FMO1: variants seen among roughly 807,000 people sequenced by gnomAD.
The protein encoded by FMO1 is flavin containing dimethylaniline monoxygenase 1.
A neutral mutation model predicts 45.4 loss-of-function variants in FMO1; 36 were observed. That is an observed-to-expected ratio of 0.79 (90% CI 0.61 to 1.05). The LOEUF (loss-of-function observed/expected upper bound fraction) is 1.05, where lower values mean the gene tolerates loss of function less well. FMO1 is among the 50% of genes least tolerant of loss of function. FMO1 has a pLI of 0.00. For synonymous variants in FMO1, 228 were observed against 227.2 expected, an observed-to-expected ratio of 1.00 and a Z score of -0.03; for missense variants, 615 against 640.3, an observed-to-expected ratio of 0.96 and a Z score of 0.43.
At chr1:171,272,901 G>A (rs368974066) in intron 3 of FMO1, among the ~76,000 whole-genome samples, 5 of 152,170 alleles carry the variant, frequency 3.3e-5, no homozygotes, top group Admixed American at 1.3e-4. Flanking sequence ...TAAGACCTTG[G>A]GGGGGAACTG....
chr1:171,265,133 G>A (rs1402268788), intron 2 of FMO1, among the ~76,000 whole-genome samples: 3 of 152,120 alleles, frequency 2.0e-5, no homozygotes, highest in African/African-American at 7.2e-5. Context: ...GCTCATGCTT[G>A]TAATCCCAGC....
rs1249898395 is a variant in FMO1 at position 171,276,024 on chromosome 1, A to G, written c.484+516A>G. The stretch of plus-strand genomic sequence containing the variant: ...TTAGTCTTGGGAGACAACTTAAGAC[A>G]TCTTTGGGTCTCAGTTTTCTTATCG... On this transcript the variant is annotated intron_variant, in intron 4 of 8. Transcript: ENST00000617670. Among the ~76,000 whole-genome samples, 4 of 152,232 alleles carry G rather than the reference A, an allele frequency of 2.6e-5. No individual in the cohort carries two copies. The East Asian group carries it at 7.7e-4, about 29-fold the overall frequency.
chr1:171,266,029 T>C (rs1404351828), intron 2 of FMO1, among the ~76,000 whole-genome samples: 7 of 152,210 alleles, frequency 4.6e-5, no homozygotes, highest in African/African-American at 1.7e-4. Flanking sequence ...CGTAGCCAGT[T>C]CAAATAACTT....
In FMO1 at chr1:171,266,879, G is replaced by C. The variant is rs765488752; in HGVS notation, c.133-664G>C. Among the ~76,000 whole-genome samples, 7 of 152,232 alleles carry C rather than the reference G, an allele frequency of 4.6e-5. No homozygotes were observed. The South Asian group carries it at 1.4e-3, about 32-fold the overall frequency. The stretch of plus-strand genomic sequence containing the variant: ...AAACTGTTTATCATTCAACTTTGCA[G>C]TAGTCTTATGAGATATTGGTATTTG... On this transcript the variant is annotated intron_variant, in intron 2 of 8. Coordinates refer to ENST00000617670, the MANE Select transcript of FMO1 (RefSeq NM_001282693.2).
At chr1:171,267,849 C>T in intron 3 of FMO1, 118 bp downstream of exon 3, 2 of 682,192 alleles carry the variant, frequency 2.9e-6, no homozygotes, top group South Asian at 2.0e-5. Flanking sequence ...ATTAATGACA[C>T]CTGGCTGTAT....
chr1:171,249,546 C>A (rs538682348), intron 1 of FMO1, among the ~76,000 whole-genome samples: 3 of 152,064 alleles, frequency 2.0e-5, no homozygotes, highest in African/African-American at 7.2e-5. Context: ...AAGTAGGCAC[C>A]TTCACCCACC....
At chr1:171,275,296 C>T (rs758825913) in intron 3 of FMO1, 50 bp from the exon 4 acceptor site, 1 of 1,496,056 alleles carries the variant, frequency 6.7e-7, no homozygotes, top group South Asian at 1.2e-5. Context: ...CTGGCAAGTG[C>T]TTAATGGAAC....
In FMO1 at chr1:171,282,106, A is replaced by C; in HGVS notation, c.956A>C (p.Glu319Ala). 6.2e-7 allele frequency: 1 copy of C among 1,613,900 alleles called. No homozygotes were observed. Among genetic ancestry groups the C allele is most frequent in the Non-Finnish European group, 8.5e-7 (1 of 1,179,808 alleles). The change falls in exon 7 of 9, where the codon GAA becomes GCA. Residue 319 changes from glutamate (E) to alanine (A), a missense_variant. Glu to Ala is a moderately radical substitution (Grantham distance 107). Transcript: ENST00000617670. ...GTCATATTTAACAATACTTCAAAGG[A>C]AGAGCCTATTGACATCATTGTCTTT... ...NSVIFNNTSK[E>A]EPIDIIVFAT... is the part of the protein sequence containing the mutation.
chr1:171,253,041 C>T (rs28384827), intron 1 of FMO1, among the ~76,000 whole-genome samples: 33 of 152,186 alleles, frequency 2.2e-4, no homozygotes, highest in Non-Finnish European at 3.8e-4. Flanking sequence ...GCTTTTCTCA[C>T]GTTTGACAAC....
chr1:171,268,956 A>G (rs1660734193), intron 3 of FMO1, among the ~76,000 whole-genome samples: 1 of 152,078 alleles, frequency 6.6e-6, no homozygotes, highest in African/African-American at 2.4e-5. Context: ...GTCTCATGAG[A>G]TCTGATGGTT....
intron 2 of FMO1, among the ~76,000 whole-genome samples, chr1:171,259,118 T>A (rs1222604060): frequency 6.6e-6 from 1 of 152,178 alleles, no homozygotes; most frequent in Non-Finnish European, 1.5e-5. Flanking sequence ...AAGCAAGGTA[T>A]CAGATAGCCC....
chr1:171,285,176 T>A, intron 8 of FMO1, 26 bp from the exon 9 acceptor site: 3 of 1,469,830 alleles, frequency 2.0e-6, no homozygotes, highest in Non-Finnish European at 2.8e-6. Context: ...GTCTTCACCT[T>A]TTCCCCCAAT....
Position 171,267,626 on chromosome 1 carries a change from T to G in FMO1, c.216T>G (p.Phe72Leu). Residue 72 changes from phenylalanine (F) to leucine (L), a missense_variant, in exon 3 of 9, where the codon TTT becomes TTG. Coordinates refer to ENST00000617670, the MANE Select transcript of FMO1 (RefSeq NM_001282693.2). ...SCKEMSCYSD[F>L]PFPEDYPNYV... The stretch of plus-strand genomic sequence containing the variant: ...AGGAGATGTCTTGTTACTCAGACTT[T>G]CCATTCCCAGAAGATTATCCAAACT... 6.2e-7 allele frequency: 1 copy of G among 1,614,040 alleles called. No individual in the cohort carries two copies. The highest frequency in any genetic ancestry group is 8.5e-7 in the Non-Finnish European group (1 of 1,179,868).
chr1:171,261,171 G>C (rs1230324127), intron 2 of FMO1, among the ~76,000 whole-genome samples: 1 of 152,028 alleles, frequency 6.6e-6, no homozygotes, highest in Non-Finnish European at 1.5e-5. Flanking sequence ...AGCCTTTTTA[G>C]GCACCTCTGT....
chr1:171,250,386 AG>A (rs774691126), intron 1 of FMO1, among the ~76,000 whole-genome samples: 4 of 152,240 alleles, frequency 2.6e-5, no homozygotes, highest in Non-Finnish European at 5.9e-5. Flanking sequence ...GCTAATACTT[AG>A]CATAGTGTTC....
intron 2 of FMO1, among the ~76,000 whole-genome samples, chr1:171,260,912 CAAA>C (rs71561566): frequency 4.7e-4 from 25 of 53,680 alleles, no homozygotes; most frequent in Admixed American, 5.4e-4. Flanking sequence ...GGCTCCATCT[CAAA>C]AAAAAAAAAA....
intron 2 of FMO1, among the ~76,000 whole-genome samples, chr1:171,259,130 G>C (rs1172100886): frequency 1.3e-5 from 2 of 152,188 alleles, no homozygotes; most frequent in Non-Finnish European, 2.9e-5. Flanking sequence ...AGATAGCCCC[G>C]CCTCAGATCC....
intron 3 of FMO1, chr1:171,271,389 G>T: frequency 8.8e-7 from 1 of 1,134,964 alleles, no homozygotes; most frequent in Non-Finnish European, 1.3e-6. Context: ...AATGGGCCTT[G>T]TCACCTTTGC....
intron 2 of FMO1, among the ~76,000 whole-genome samples, chr1:171,260,729 G>A (rs1180138154): frequency 2.0e-5 from 3 of 151,808 alleles, no homozygotes; most frequent in African/African-American, 4.8e-5. Context: ...TCAGGAGTTC[G>A]AGACCAGCCT....
Sources: allele counts gnomAD v4.1 joint callset (sites outside exome capture counted in the v4.1 genomes callset), GRCh38; gene constraint gnomAD v4.1.1; transcripts MANE v1.5; gene names NCBI Gene and HGNC (gene_info 2026-07-23, HGNC 2026-07-21).